Variants in TMEM40 observed in about 807,000 individuals in gnomAD.
The protein encoded by TMEM40 is transmembrane protein 40.
TMEM40 carries 34 observed loss-of-function variants against 40.8 expected under a neutral mutation model. That is an observed-to-expected ratio of 0.83 (90% CI 0.63 to 1.11). The LOEUF is 1.11. Ranked by LOEUF, TMEM40 falls within the 50% of genes least tolerant of loss-of-function variation. The probability of loss-of-function intolerance (pLI) is 0.00; values close to 1 mark genes in which losing one functional copy is unlikely to be tolerated. For synonymous variants in TMEM40, 106 were observed against 107.0 expected, an observed-to-expected ratio of 0.99 and a Z score of 0.06; for missense variants, 296 against 280.2, an observed-to-expected ratio of 1.06 and a Z score of -0.40.
upstream of TMEM40, among the ~76,000 whole-genome samples, chr3:12,762,818 A>C (rs2061578287): frequency 6.6e-6 from 1 of 152,184 alleles, no homozygotes; most frequent in Non-Finnish European, 1.5e-5. Flanking sequence ...GGGACCTAGA[A>C]TCTGTATTTA....
intron 10 of TMEM40, 39 bp downstream of exon 10, chr3:12,736,539 A>C: frequency 1.9e-6 from 3 of 1,539,270 alleles, no homozygotes; most frequent in Non-Finnish European, 2.6e-6. Context: ...GACCCCTCCA[A>C]GAGACTGTGT....
rs1454971141 is a variant in TMEM40, at chr3:12,749,842, T to C, written c.-8-2A>G. ...ATGCTGAAGTCTCCATGGCTTTTCC[T>C]GGAGGAATAACAATAATCAGTAGTT... On this transcript the variant is annotated splice_acceptor_variant, in intron 1 of 11. Transcript: ENST00000314124. LOFTEE classifies it low-confidence loss of function (5UTR_SPLICE). 1 of 1,613,504 alleles carries C rather than the reference T, an allele frequency of 6.2e-7. No individual in the cohort carries two copies. Among genetic ancestry groups the C allele is most frequent in the African/African-American group, 1.3e-5 (1 of 75,006 alleles).
chr3:12,758,373 A>G (rs2061544604), intron 1 of TMEM40, among the ~76,000 whole-genome samples: 1 of 152,232 alleles, frequency 6.6e-6, no homozygotes, highest in Non-Finnish European at 1.5e-5. Flanking sequence ...GAAAATAATA[A>G]GCACAAGACC....
At chr3:12,739,743 A>G (rs909631747) in intron 5 of TMEM40, among the ~76,000 whole-genome samples, 112 of 152,078 alleles carry the variant, frequency 7.4e-4, no homozygotes, top group Non-Finnish European at 1.5e-3. Context: ...TTTAAGATGC[A>G]TCCTGATTTC....
intron 3 of TMEM40, among the ~76,000 whole-genome samples, chr3:12,748,309 T>G (rs899966591): frequency 6.6e-6 from 1 of 152,218 alleles, no homozygotes; most frequent in Non-Finnish European, 1.5e-5. Flanking sequence ...GCTTTGACTA[T>G]GGCACTGGGG....
chr3:12,737,103 C>T (rs1405126558), intron 8 of TMEM40, among the ~76,000 whole-genome samples: 1 of 151,970 alleles, frequency 6.6e-6, no homozygotes, highest in Non-Finnish European at 1.5e-5. Context: ...TGGTCTCGAA[C>T]TCCTGGCTTC....
intron 5 of TMEM40, among the ~76,000 whole-genome samples, chr3:12,739,819 TATTTTTAAA>T: frequency 6.6e-6 from 1 of 151,958 alleles, no homozygotes; most frequent in South Asian, 2.1e-4. Context: ...TTCATAATTT[TATTTTTAAA>T]ATTTATTTAT....
intron 1 of TMEM40, among the ~76,000 whole-genome samples, chr3:12,752,068 C>G (rs1331400274): frequency 6.6e-6 from 1 of 152,150 alleles, no homozygotes; most frequent in African/African-American, 2.4e-5. Context: ...CCCCACTCCC[C>G]TAAACTTACT....
chr3:12,753,341 C>T (rs1305854861), intron 1 of TMEM40, among the ~76,000 whole-genome samples: 2 of 151,312 alleles, frequency 1.3e-5, no homozygotes, highest in South Asian at 2.1e-4. Flanking sequence ...CTCAACCTCC[C>T]GAGTAGCTGG....
rs1259268721 is a variant in TMEM40, at chr3:12,738,591, G to A, written c.356-3C>T. 8 of 1,613,842 alleles carry A rather than the reference G, an allele frequency of 5.0e-6. No individual in the cohort carries two copies. The highest frequency in any genetic ancestry group is 4.0e-5 in the African/African-American group (3 of 74,922). On this transcript the variant is annotated splice_polypyrimidine_tract_variant and splice_region_variant and intron_variant, in intron 5 of 11. Coordinates refer to ENST00000314124, the MANE Select transcript of TMEM40 (RefSeq NM_018306.4). The stretch of plus-strand genomic sequence containing the variant: ...GGGTACCACCTCTCCAGGAGCATCT[G>A]CACAGAAAGGAAATCAGTGATCATA...
intron 1 of TMEM40, among the ~76,000 whole-genome samples, chr3:12,752,528 G>A (rs1360411643): frequency 6.6e-6 from 1 of 152,186 alleles, no homozygotes; most frequent in African/African-American, 2.4e-5. Flanking sequence ...GCCGGGCGCG[G>A]TGGTTCATGC....
chr3:12,743,195 C>T lies in TMEM40; in HGVS notation c.302-688G>A, dbSNP rs575692045. 5.3e-5 allele frequency among the ~76,000 whole-genome samples: 8 copies of T among 152,290 alleles called. No individual in the cohort carries two copies. The South Asian group carries it at 8.3e-4, about 16-fold the overall frequency. ...AAAGTAAAACATGCTCGGCCAGGCA[C>T]GGTGGCTCACCTCTGTAATCCCAGC... On this transcript the variant is annotated intron_variant, in intron 4 of 11. Coordinates refer to ENST00000314124, the MANE Select transcript of TMEM40 (RefSeq NM_018306.4).
chr3:12,736,231 C>T (rs1401842923), intron 10 of TMEM40, among the ~76,000 whole-genome samples: 1 of 151,620 alleles, frequency 6.6e-6, no homozygotes, highest in African/African-American at 2.4e-5. Context: ...TCACTGCAAC[C>T]TCCGCCTCCT....
At chr3:12,763,750 A>G (rs1473894932), upstream of TMEM40, among the ~76,000 whole-genome samples, 2 of 152,128 alleles carry the variant, frequency 1.3e-5, no homozygotes, top group African/African-American at 2.4e-5. Context: ...AGCCCCTGCT[A>G]TACCTTGGTG....
chr3:12,767,801 G>A lies in TMEM40; in HGVS notation c.-9+1450C>T, dbSNP rs113278094. ...GGTCAAAGGCCTGGTCTCACCTTGA[G>A]GACCTACTGGGGCTAGTTTGTGTCC... On this transcript the variant is annotated intron_variant, in intron 1 of 11. Coordinates refer to the TMEM40 transcript ENST00000264728. 3.3e-5 allele frequency among the ~76,000 whole-genome samples: 5 copies of A among 152,244 alleles called. 1 individual carries two copies. Among genetic ancestry groups the A allele is most frequent in the African/African-American group, 9.6e-5 (4 of 41,544 alleles).
chr3:12,765,204 A>G (rs1362378545), intron 1 of TMEM40, among the ~76,000 whole-genome samples: 1 of 152,244 alleles, frequency 6.6e-6, no homozygotes, highest in African/African-American at 2.4e-5. Flanking sequence ...AGGAAAAGTC[A>G]ATCCTAGCTC....
chr3:12,738,096 A>T, intron 7 of TMEM40, 40 bp downstream of exon 7: 1 of 1,612,058 alleles, frequency 6.2e-7, no homozygotes, highest in Non-Finnish European at 8.5e-7. Flanking sequence ...TCTGGAATCC[A>T]CACCCGCTCT....
chr3:12,759,494 C>G (rs1338592507), upstream of TMEM40: 6 of 152,420 alleles, frequency 3.9e-5, no homozygotes, highest in Non-Finnish European at 7.3e-5. Context: ...CTCCAGGAGA[C>G]AGTGAAATGG....
At chr3:12,757,245 G>A (rs373112848) in intron 1 of TMEM40, among the ~76,000 whole-genome samples, 4 of 152,054 alleles carry the variant, frequency 2.6e-5, no homozygotes, top group African/African-American at 4.8e-5. Context: ...TGAGGCGGGC[G>A]GATCACCTGA....
Sources: allele counts gnomAD v4.1 joint callset (sites outside exome capture counted in the v4.1 genomes callset), GRCh38; gene constraint gnomAD v4.1.1; transcripts MANE v1.5; gene names NCBI Gene and HGNC (gene_info 2026-07-23, HGNC 2026-07-21).